BFSP2: variants seen among roughly 807,000 people sequenced by gnomAD.
BFSP2 encodes the protein phakinin.
BFSP2 carries 38 observed loss-of-function variants against 44.9 expected under a neutral mutation model. That is an observed-to-expected ratio of 0.85 (90% CI 0.65 to 1.11). The LOEUF (loss-of-function observed/expected upper bound fraction) is 1.11. Among genes scored for constraint, BFSP2 ranks in the 50% least tolerant of loss-of-function variants. The pLI, the probability that BFSP2 is intolerant of heterozygous loss-of-function variation, is 0.00. For missense variants in BFSP2, 525 were observed against 533.0 expected, an observed-to-expected ratio of 0.99 and a Z score of 0.15; for synonymous variants, 197 against 209.9, an observed-to-expected ratio of 0.94 and a Z score of 0.53.
intron 1 of BFSP2, among the ~76,000 whole-genome samples, chr3:133,418,942 T>C (rs1254039796): frequency 1.3e-5 from 2 of 152,142 alleles, no homozygotes; most frequent in East Asian, 3.8e-4. Context: ...TGCAGTGTAT[T>C]TGTCACCTTG....
intron 4 of BFSP2, among the ~76,000 whole-genome samples, chr3:133,452,793 C>T (rs1039491389): frequency 3.3e-5 from 5 of 152,146 alleles, no homozygotes; most frequent in African/African-American, 7.2e-5. Flanking sequence ...AGTTTGCAAA[C>T]TTTGCTTCTG....
intron 1 of BFSP2, among the ~76,000 whole-genome samples, chr3:133,430,695 A>G (rs4286432): frequency 0.78 from 119,193 of 151,874 alleles, 46,996 homozygotes; most frequent in Middle Eastern, 0.93. Flanking sequence ...TTCCCAATGC[A>G]ACTCATCCCA....
At chr3:133,406,138 T>A (rs1421249168) in intron 1 of BFSP2, among the ~76,000 whole-genome samples, 1 of 151,928 alleles carries the variant, frequency 6.6e-6, no homozygotes, top group African/African-American at 2.4e-5. Context: ...TTTGTATTTT[T>A]AGTAGAGACA....
rs769098210 is a variant in BFSP2 at position 133,400,604 on chromosome 3, A to G, written c.489+32A>G. On this transcript the variant is annotated intron_variant, in intron 1 of 6. Coordinates refer to ENST00000302334, the MANE Select transcript of BFSP2 (RefSeq NM_003571.4). The surrounding 1 kb of genome is among the most constrained non-coding windows in gnomAD (Gnocchi z 4.0). ...GTCCAGGCTGTGCCAAGGGCTTTGC[A>G]GAGGGCTGGGAGGGGCTGCTGAAGG... 63 of 1,568,400 alleles carry G rather than the reference A, an allele frequency of 4.0e-5. No individual in the cohort carries two copies. Among genetic ancestry groups the G allele is most frequent in the South Asian group, 9.3e-5 (8 of 86,078 alleles).
chr3:133,454,744 G>A (rs2073997871), intron 4 of BFSP2, among the ~76,000 whole-genome samples: 1 of 152,110 alleles, frequency 6.6e-6, no homozygotes, highest in East Asian at 1.9e-4. Context: ...ATGTGAGAAG[G>A]GGCACAGAGT....
In BFSP2 at chr3:133,447,414, C is replaced by A. The variant is rs2073913619; in HGVS notation, c.572+15C>A. 1 of 1,611,382 alleles carries A rather than the reference C, an allele frequency of 6.2e-7. No individual in the cohort carries two copies. The highest frequency in any genetic ancestry group is 8.5e-7 in the Non-Finnish European group (1 of 1,178,016). Reference sequence around the variant, plus strand: ...TTTAAAGAGAGGTAATGTCTTACAGCAGAGGCGACAGTCCCTCCACATCCC... The same window carrying A: ...TTTAAAGAGAGGTAATGTCTTACAGAAGAGGCGACAGTCCCTCCACATCCC... On this transcript the variant is annotated intron_variant, in intron 2 of 6. Transcript: ENST00000302334.
intron 1 of BFSP2, among the ~76,000 whole-genome samples, chr3:133,418,869 A>C (rs986565591): frequency 1.8e-4 from 27 of 151,998 alleles, no homozygotes; most frequent in African/African-American, 6.0e-4. Flanking sequence ...AAGAACTTTC[A>C]CTCTCTGTCT....
chr3:133,460,724 C>T (rs866011073), intron 4 of BFSP2, among the ~76,000 whole-genome samples: 28 of 152,230 alleles, frequency 1.8e-4, no homozygotes, highest in African/African-American at 6.5e-4. Context: ...ATAGGGAACC[C>T]CTGTATTCCC....
At chr3:133,403,231 C>A (rs1045781478) in intron 1 of BFSP2, among the ~76,000 whole-genome samples, 2 of 151,998 alleles carry the variant, frequency 1.3e-5, no homozygotes, top group Non-Finnish European at 2.9e-5. Flanking sequence ...GAGCTCTCTC[C>A]CTCTGCCCTC....
intron 1 of BFSP2, among the ~76,000 whole-genome samples, chr3:133,424,223 T>TGTGTGTGTGTGTGTGTGTGTGTG (rs777798163): frequency 2.9e-5 from 3 of 104,044 alleles, no homozygotes; most frequent in Middle Eastern, 5.3e-3. Context: ...TTTTTTTTTT[T>TGTGTGTGTGTGTGTGTGTGTGTG]TTTTTTTTTT....
At chr3:133,444,859 C>T (rs1386460232) in intron 1 of BFSP2, among the ~76,000 whole-genome samples, 2 of 152,198 alleles carry the variant, frequency 1.3e-5, no homozygotes, top group African/African-American at 4.8e-5. Flanking sequence ...GGCATCTTCT[C>T]CTGCCTCCTC....
intron 1 of BFSP2, among the ~76,000 whole-genome samples, chr3:133,436,100 A>T (rs1006562713): frequency 2.6e-5 from 4 of 152,108 alleles, no homozygotes; most frequent in African/African-American, 9.7e-5. Flanking sequence ...ACGATGGCTT[A>T]TGTCTGTAAT....
chr3:133,425,424 C>G lies in BFSP2; in HGVS notation c.490-21893C>G, dbSNP rs537296913. ...AATGCAGCTTTGGTTTGATAGGGCC[C>G]TCTCCCAAGATCCCTTTCAACTTGC... On this transcript the variant is annotated intron_variant, in intron 1 of 6. Coordinates refer to ENST00000302334, the MANE Select transcript of BFSP2 (RefSeq NM_003571.4). Among the ~76,000 whole-genome samples, 4 of 152,298 alleles carry G rather than the reference C, an allele frequency of 2.6e-5. No individual in the cohort carries two copies. The East Asian group carries it at 7.7e-4, about 29-fold the overall frequency.
rs146551924 is a variant in BFSP2, at chr3:133,434,871, C to A, written c.490-12446C>A. 7.3e-3 allele frequency among the ~76,000 whole-genome samples: 1,106 copies of A among 152,052 alleles called. 4 individuals carry two copies. The highest frequency in any genetic ancestry group is 0.011 in the Non-Finnish European group (737 of 67,966). On this transcript the variant is annotated intron_variant, in intron 1 of 6. Transcript: ENST00000302334. ...TCTTATAAAACGGCCCCACCCCTAT[C>A]TCCCTTCGCTGACTCTTTTCGGACT...
intron 1 of BFSP2, among the ~76,000 whole-genome samples, chr3:133,420,745 G>A (rs1465744996): frequency 6.6e-6 from 1 of 152,176 alleles, no homozygotes; most frequent in Non-Finnish European, 1.5e-5. Flanking sequence ...GTGAGGCTGG[G>A]GGCTGAGAGG....
chr3:133,437,257 G>A (rs934336274), intron 1 of BFSP2, among the ~76,000 whole-genome samples: 3 of 152,150 alleles, frequency 2.0e-5, no homozygotes, highest in Non-Finnish European at 4.4e-5. Flanking sequence ...GGGCACAGTG[G>A]TTCACACCTG....
intron 1 of BFSP2, chr3:133,429,765 T>TAA (rs1553779533): frequency 6.6e-6 from 1 of 150,864 alleles, no homozygotes; most frequent in Non-Finnish European, 1.5e-5. Context: ...TTTTTTTTTT[T>TAA]TTATTATACT....
chr3:133,416,248 C>G (rs1176165958), intron 1 of BFSP2, among the ~76,000 whole-genome samples: 1 of 144,492 alleles, frequency 6.9e-6, no homozygotes, highest in Non-Finnish European at 1.5e-5. Flanking sequence ...ACCCTGCCCT[C>G]TCCCCTGTCC....
intron 1 of BFSP2, among the ~76,000 whole-genome samples, chr3:133,428,898 C>T (rs896589816): frequency 6.6e-6 from 1 of 152,206 alleles, no homozygotes; most frequent in Non-Finnish European, 1.5e-5. Context: ...AGCCACTGTG[C>T]TAGTTTTCTT....
Sources: allele counts gnomAD v4.1 joint callset (sites outside exome capture counted in the v4.1 genomes callset), GRCh38; gene constraint gnomAD v4.1.1; non-coding constraint Gnocchi (gnomAD v3.1); transcripts MANE v1.5; gene names NCBI Gene and HGNC (gene_info 2026-07-23, HGNC 2026-07-21).